Variants in WDR27 observed in about 807,000 individuals in gnomAD.
WDR27 encodes the protein WD repeat domain 27.
WDR27 carries 100 observed loss-of-function variants against 114.4 expected under a neutral mutation model. The ratio of observed to expected loss-of-function variants is 0.87; its 90% CI spans 0.74 to 1.03. The LOEUF (loss-of-function observed/expected upper bound fraction) is 1.03. Among genes scored for constraint, WDR27 ranks in the 50% least tolerant of loss-of-function variants. WDR27 has a pLI of 0.00. For synonymous variants in WDR27, 449 were observed against 423.1 expected, an observed-to-expected ratio of 1.06 and a Z score of -0.75; for missense variants, 1,129 against 1,092.9, an observed-to-expected ratio of 1.03 and a Z score of -0.47.
intron 25 of WDR27, among the ~76,000 whole-genome samples, chr6:169,553,518 T>G (rs1798473713): frequency 6.6e-6 from 1 of 152,262 alleles, no homozygotes; most frequent in South Asian, 2.1e-4. Context: ...AGTAGGAGGA[T>G]TTCTGGTCTT....
intron 3 of WDR27, chr6:169,670,971 A>T (rs2128295262): frequency 2.9e-6 from 1 of 346,388 alleles, no homozygotes; most frequent in East Asian, 6.0e-5. Context: ...TGCAGTGAGA[A>T]TCATGCACAT....
intron 2 of WDR27, among the ~76,000 whole-genome samples, chr6:169,683,143 T>C (rs1445740493): frequency 6.6e-6 from 1 of 152,176 alleles, no homozygotes; most frequent in South Asian, 2.1e-4. Context: ...TAGAAGGTTA[T>C]TCAAAGAAAT....
chr6:169,580,946 TATATATAC>T (rs1384613696), intron 24 of WDR27, among the ~76,000 whole-genome samples: 4 of 87,184 alleles, frequency 4.6e-5, no homozygotes, highest in South Asian at 8.2e-4. Context: ...TATATATATA[TATATATAC>T]ATATATATAT....
rs1021966201 is a variant in WDR27, at chr6:169,667,267, A to G, written c.661-80T>C. ...ACAGGTGAAGCTAACAGTACTATTC[A>G]CTATCAGATTAGTCAACACAAATGG... On this transcript the variant is annotated intron_variant, in intron 5 of 25. Coordinates refer to ENST00000448612, the MANE Select transcript of WDR27 (RefSeq NM_182552.5). 1.6e-5 allele frequency: 21 copies of G among 1,343,786 alleles called. No homozygotes were observed. In the African/African-American group the frequency reaches 3.2e-4, roughly 20 times the overall value. 83.2% of individuals were successfully genotyped at this position (1,343,786 alleles called of 1,614,324 possible). A position where few individuals can be genotyped will look rare whatever the true frequency, so the allele number is the denominator to read the frequency against.
At chr6:169,449,947 T>A in the WDR27 span, among the ~76,000 whole-genome samples, 4 of 152,224 alleles carry the variant, frequency 2.6e-5, no homozygotes, top group Non-Finnish European at 4.4e-5. Context: ...AGAAGCTTAA[T>A]ATGGTGCTTG....
intron 2 of WDR27, among the ~76,000 whole-genome samples, chr6:169,683,743 G>A (rs1782165122): frequency 6.6e-6 from 1 of 152,120 alleles, no homozygotes; most frequent in Admixed American, 6.5e-5. Context: ...GCAAGGAAAA[G>A]GTAAGCAAAA....
intron 13 of WDR27, among the ~76,000 whole-genome samples, chr6:169,655,220 C>G (rs4716371): frequency 0.53 from 80,797 of 152,194 alleles, 25,400 homozygotes; most frequent in East Asian, 0.98. Flanking sequence ...GCAAGAGCTC[C>G]GGGCAGGAGA....
chr6:169,673,772 A>G (rs150045460), intron 2 of WDR27, among the ~76,000 whole-genome samples: 5 of 152,296 alleles, frequency 3.3e-5, no homozygotes, highest in Admixed American at 2.6e-4. Flanking sequence ...ATTACAAAGT[A>G]ATTTTGTGAT....
intron 13 of WDR27, among the ~76,000 whole-genome samples, chr6:169,655,386 C>T (rs1210456703): frequency 1.3e-5 from 2 of 152,240 alleles, no homozygotes; most frequent in South Asian, 4.1e-4. Flanking sequence ...CAGCAGGGTG[C>T]TGCAAAGACT....
At chr6:169,458,376 G>A (rs574578132) in intron 25 of WDR27, among the ~76,000 whole-genome samples, 1 of 152,262 alleles carries the variant, frequency 6.6e-6, no homozygotes, top group East Asian at 1.9e-4. Flanking sequence ...GTTCCCACAT[G>A]GCTACAAGCC....
rs1786839356 is a variant in WDR27 at position 169,474,327 on chromosome 6, C to A, written c.2646-16693G>T. On this transcript the variant is annotated intron_variant, in intron 25 of 25. Coordinates refer to ENST00000448612, the MANE Select transcript of WDR27 (RefSeq NM_182552.5). ...ATAAACTCTGCTGAAGATCATCTCTCCATGAATTAGAATTAGTTGACAATA... is the reference window on the plus strand; with the variant it reads ...ATAAACTCTGCTGAAGATCATCTCTACATGAATTAGAATTAGTTGACAATA... 4.6e-5 allele frequency among the ~76,000 whole-genome samples: 7 copies of A among 152,258 alleles called. No individual in the cohort carries two copies. In the South Asian group the frequency reaches 1.2e-3, roughly 27 times the overall value.
At chr6:169,658,083 A>G (rs1824758778) in intron 13 of WDR27, 193 bp downstream of exon 13, 3 of 521,928 alleles carry the variant, frequency 5.7e-6, no homozygotes. Flanking sequence ...CAGGAGGCGA[A>G]GCACCCAGCA....
the WDR27 span, among the ~76,000 whole-genome samples, chr6:169,435,955 A>C: frequency 6.6e-6 from 1 of 152,252 alleles, no homozygotes; most frequent in African/African-American, 2.4e-5. Context: ...CTGTTTTCTC[A>C]TACACCAGTG....
chr6:169,563,938 G>A (rs990055348), intron 25 of WDR27, among the ~76,000 whole-genome samples: 1 of 152,204 alleles, frequency 6.6e-6, no homozygotes, highest in Non-Finnish European at 1.5e-5. Context: ...AAAGGGACAG[G>A]ACTCATAGGA....
intron 25 of WDR27, among the ~76,000 whole-genome samples, chr6:169,520,569 C>T (rs1196801443): frequency 6.6e-6 from 1 of 152,118 alleles, no homozygotes; most frequent in Non-Finnish European, 1.5e-5. Context: ...GTGACTGACT[C>T]TCACAAGATG....
intron 25 of WDR27, among the ~76,000 whole-genome samples, chr6:169,516,788 AACAC>A (rs3032851): frequency 0.02 from 2,371 of 119,262 alleles, 34 homozygotes; most frequent in East Asian, 0.043. Context: ...GGCATGCTCC[AACAC>A]ACACACACAC....
chr6:169,603,498 T>A (rs1562672348), intron 22 of WDR27, among the ~76,000 whole-genome samples: 1 of 152,236 alleles, frequency 6.6e-6, no homozygotes. Context: ...CTGTGGCACA[T>A]ATACTGCACA....
At chr6:169,602,372 G>T (rs372899025) in intron 22 of WDR27, 51 bp from the exon 23 acceptor site, 27 of 1,192,762 alleles carry the variant, frequency 2.3e-5, no homozygotes, top group Non-Finnish European at 3.1e-5. Context: ...AAATTTGAAT[G>T]CAAATTAGAG....
At chr6:169,467,187 C>T (rs1455129587) in intron 25 of WDR27, among the ~76,000 whole-genome samples, 1 of 152,208 alleles carries the variant, frequency 6.6e-6, no homozygotes, top group Non-Finnish European at 1.5e-5. Context: ...CAGGGTACAG[C>T]CTCCCACCCA....
Sources: allele counts gnomAD v4.1 joint callset (sites outside exome capture counted in the v4.1 genomes callset), GRCh38; gene constraint gnomAD v4.1.1; transcripts MANE v1.5; gene names NCBI Gene and HGNC (gene_info 2026-07-23, HGNC 2026-07-21).